The following PDZRN4 variants were observed in gnomAD, a reference collection of about 807,000 sequenced individuals.
PDZRN4 encodes PDZ domain-containing RING finger protein 4.
PDZRN4 carries 70 observed loss-of-function variants against 99.0 expected under a neutral mutation model. That is an observed-to-expected ratio of 0.71 (90% confidence interval 0.58 to 0.86). The LOEUF is 0.86. Among genes scored for constraint, PDZRN4 ranks in the 40% least tolerant of loss-of-function variants. The pLI, the probability that PDZRN4 is intolerant of heterozygous loss-of-function variation, is 0.00. For synonymous variants in PDZRN4, 551 were observed against 501.6 expected (o/e 1.10, Z -1.32); for missense variants, 1,474 against 1,331.2 (o/e 1.11, Z -1.67).
Position 41,188,921 on chromosome 12 carries a change from C to G in PDZRN4, c.466C>G (p.Arg156Gly), listed in dbSNP as rs1267253891. 10 of 1,172,466 alleles carry G rather than the reference C, an allele frequency of 8.5e-6. No homozygotes were observed. Among genetic ancestry groups the G allele is most frequent in the Non-Finnish European group, 8.4e-6 (8 of 951,658 alleles). The allele number at this position is 1,172,466 out of a possible 1,614,324, so 72.6% of individuals were successfully genotyped here. Reference protein sequence around the residue: ...RGGPPGGRWGRGRGPGPRVLA... With the variant: ...RGGPPGGRWGGGRGPGPRVLA... The stretch of plus-strand genomic sequence containing the variant: ...GGGGCCGCCGGGCGGCCGCTGGGGC[C>G]GCGGGCGGGGACCCGGGCCTCGGGT... Residue 156 changes from arginine to glycine, a missense_variant, in exon 1 of 10, where the codon CGC (arginine) becomes GGC (glycine). Physicochemically the swap from Arg to Gly is moderately radical, Grantham distance 125. Transcript: ENST00000402685.
chr12:41,540,704 T>A (rs1938835019), intron 5 of PDZRN4, among the ~76,000 whole-genome samples: 1 of 152,206 alleles, frequency 6.6e-6, no homozygotes, highest in Non-Finnish European at 1.5e-5. Context: ...CAGATTCTTT[T>A]CTTTCATTAA....
At chr12:41,397,209 A>C (rs1344787485) in intron 3 of PDZRN4, among the ~76,000 whole-genome samples, 2 of 152,176 alleles carry the variant, frequency 1.3e-5, no homozygotes, top group Non-Finnish European at 2.9e-5. Flanking sequence ...ACACTGTGTT[A>C]AAATAAAACA....
intron 3 of PDZRN4, among the ~76,000 whole-genome samples, chr12:41,434,551 A>G (rs1952612781): frequency 6.6e-6 from 1 of 152,212 alleles, no homozygotes; most frequent in African/African-American, 2.4e-5. Flanking sequence ...ACTCAGTAGT[A>G]CAGTTTATAT....
At chr12:41,547,576 G>A (rs1039474922) in intron 5 of PDZRN4, among the ~76,000 whole-genome samples, 3 of 152,086 alleles carry the variant, frequency 2.0e-5, no homozygotes, top group Non-Finnish European at 4.4e-5. Context: ...AGTCAGCCGA[G>A]ATCATATCAC....
intron 3 of PDZRN4, among the ~76,000 whole-genome samples, chr12:41,345,407 C>T (rs1951846315): frequency 6.6e-6 from 1 of 152,156 alleles, no homozygotes; most frequent in South Asian, 2.1e-4. Flanking sequence ...GTTAATACTG[C>T]TAAAACCTTC....
At chr12:41,385,311 C>G (rs1952161432) in intron 3 of PDZRN4, among the ~76,000 whole-genome samples, 1 of 152,062 alleles carries the variant, frequency 6.6e-6, no homozygotes, top group South Asian at 2.1e-4. Context: ...TTGCAAATGT[C>G]ACAGGGGAAA....
chr12:41,261,794 T>C (rs1424522572), intron 3 of PDZRN4, among the ~76,000 whole-genome samples: 1 of 152,176 alleles, frequency 6.6e-6, no homozygotes, highest in Non-Finnish European at 1.5e-5. Context: ...CGGCCTCAAA[T>C]AGTTCTATTT....
At chr12:41,413,207 C>A (rs937043957) in intron 3 of PDZRN4, 1 of 152,086 alleles carries the variant, frequency 6.6e-6, no homozygotes, top group Admixed American at 6.6e-5. Flanking sequence ...AAAATCTTGT[C>A]ATTCACAGCA....
chr12:41,325,224 A>G (rs971263342), intron 3 of PDZRN4, among the ~76,000 whole-genome samples: 2 of 152,158 alleles, frequency 1.3e-5, no homozygotes, highest in Admixed American at 1.3e-4. Context: ...TCATTATGTG[A>G]TAATTCAGTG....
At chr12:41,225,904 C>G (rs750694526) in intron 3 of PDZRN4, among the ~76,000 whole-genome samples, 6 of 152,072 alleles carry the variant, frequency 3.9e-5, no homozygotes, top group Admixed American at 6.6e-5. Context: ...CCAGGCACCC[C>G]CCTGGAGTAG....
chr12:41,246,345 T>C, intron 3 of PDZRN4, among the ~76,000 whole-genome samples: 1 of 152,202 alleles, frequency 6.6e-6, no homozygotes, highest in East Asian at 1.9e-4. Context: ...TGATGGACAG[T>C]GTATTTCACT....
intron 3 of PDZRN4, among the ~76,000 whole-genome samples, chr12:41,341,392 G>C (rs980170141): frequency 5.3e-5 from 8 of 151,766 alleles, no homozygotes; most frequent in Non-Finnish European, 8.9e-5. Flanking sequence ...AGGCATCCCT[G>C]TTAAAAATAA....
intron 3 of PDZRN4, among the ~76,000 whole-genome samples, chr12:41,282,237 A>G (rs575807284): frequency 2.9e-4 from 44 of 152,344 alleles, no homozygotes; most frequent in African/African-American, 9.6e-4. Flanking sequence ...CTCTGATAAA[A>G]CAGACTTTAA....
intron 3 of PDZRN4, among the ~76,000 whole-genome samples, chr12:41,433,641 A>G (rs2120445767): frequency 6.6e-6 from 1 of 152,300 alleles, no homozygotes; most frequent in Middle Eastern, 3.4e-3. Flanking sequence ...GAACTTCCAC[A>G]CTGGCACAGG....
rs1165628155 is a variant in PDZRN4, at chr12:41,189,022, G to A, written c.567G>A (p.Ala189=). 6 of 1,561,648 alleles carry A rather than the reference G, an allele frequency of 3.8e-6. No individual in the cohort carries two copies. The highest frequency in any genetic ancestry group is 5.2e-6 in the Non-Finnish European group (6 of 1,161,966). ...WALQGEVQLT[A]RRYQEKFTQY... ...TGCAGGGCGAGGTGCAGCTCACGGC[G>A]CGCAGGTACCAGGAGAAGTTCACCC... The change falls in exon 1 of 10, where the codon GCG becomes GCA. Residue 189 remains alanine, a synonymous_variant. Transcript: ENST00000402685.
chr12:41,452,848 A>C (rs907495696), intron 3 of PDZRN4, among the ~76,000 whole-genome samples: 2 of 152,172 alleles, frequency 1.3e-5, no homozygotes, highest in African/African-American at 4.8e-5. Context: ...AAAGTGTTTT[A>C]ATTATGTATA....
intron 3 of PDZRN4, among the ~76,000 whole-genome samples, chr12:41,362,924 A>G (rs1202579778): frequency 6.6e-6 from 1 of 152,086 alleles, no homozygotes; most frequent in Non-Finnish European, 1.5e-5. Flanking sequence ...AACTTGCATA[A>G]TCTTAGCTTG....
chr12:41,366,113 C>A (rs568373589), intron 3 of PDZRN4, among the ~76,000 whole-genome samples: 188 of 152,236 alleles, frequency 1.2e-3, no homozygotes, highest in African/African-American at 4.4e-3. Context: ...TTTTCCCATT[C>A]AAACTGCAAG....
intron 3 of PDZRN4, among the ~76,000 whole-genome samples, chr12:41,484,055 ACTC>A (rs1391392048): frequency 6.6e-6 from 1 of 151,982 alleles, no homozygotes; most frequent in Non-Finnish European, 1.5e-5. Flanking sequence ...GTAAGATTCT[ACTC>A]CTCCTTTTTG....
Sources: gnomAD v4.1 joint callset for allele counts (sites outside exome capture counted in the v4.1 genomes callset) on GRCh38, gnomAD v4.1.1 for gene constraint, MANE v1.5 for transcripts, NCBI Gene and HGNC (gene_info 2026-07-23, HGNC 2026-07-21) for gene names.